PLXNA4: variants seen among roughly 807,000 people sequenced by gnomAD.
PLXNA4 encodes the protein plexin A4, also known as plexin-A4.
In PLXNA4, 44 loss-of-function variants were observed where a neutral mutation model predicts 191.8. The ratio of observed to expected loss-of-function variants is 0.23; its 90% CI spans 0.18 to 0.29. The LOEUF (loss-of-function observed/expected upper bound fraction) is 0.29. Ranked by LOEUF, PLXNA4 falls within the 10% of genes least tolerant of loss-of-function variation. The pLI is 1.00. For missense variants in PLXNA4, 1,800 were observed against 2,488.8 expected (o/e 0.72, Z 5.89); for synonymous variants, 1,082 against 1,009.5 (o/e 1.07, Z -1.36).
chr7:132,556,461 C>T (rs1010101138), intron 1 of PLXNA4, among the ~76,000 whole-genome samples: 1 of 152,234 alleles, frequency 6.6e-6, no homozygotes, highest in African/African-American at 2.4e-5. Flanking sequence ...CTGCAACTTG[C>T]TTTTGTAGGA....
intron 2 of PLXNA4, among the ~76,000 whole-genome samples, chr7:132,630,971 C>G (rs1195747667): frequency 6.6e-6 from 1 of 152,196 alleles, no homozygotes; most frequent in Non-Finnish European, 1.5e-5. Context: ...CAACTTCTTC[C>G]CATGACACAC....
chr7:132,508,756 G>T lies in PLXNA4; in HGVS notation c.-63C>A. On this transcript the variant is annotated 5_prime_UTR_variant, in exon 2 of 32. Coordinates refer to ENST00000321063, the MANE Select transcript of PLXNA4 (RefSeq NM_020911.2). This position sits in a 1 kb window ranked among gnomAD's most constrained non-coding sequence, Gnocchi z 4.4. ...CACAGTCGTCCCCTCAGAGGGCCAG[G>T]ACTCAGCAATGCAGTCTCCCCTACT... is the stretch of plus-strand genomic sequence containing the variant. The T allele has an allele frequency of 6.9e-7, 1 of 1,447,080 alleles. No individual in the cohort carries two copies. Among genetic ancestry groups the T allele is most frequent in the South Asian group, 1.5e-5 (1 of 68,448 alleles). The allele number at this position is 1,447,080 out of a possible 1,614,324, so 89.6% of individuals were successfully genotyped here.
chr7:132,623,053 A>G (rs2116869214), intron 2 of PLXNA4, among the ~76,000 whole-genome samples: 1 of 152,146 alleles, frequency 6.6e-6, no homozygotes, highest in East Asian at 1.9e-4. Context: ...TGGGTATAAG[A>G]ACTAAAATTG....
intron 3 of PLXNA4, among the ~76,000 whole-genome samples, chr7:132,329,667 G>A (rs1417805381): frequency 6.6e-6 from 1 of 152,096 alleles, no homozygotes; most frequent in Non-Finnish European, 1.5e-5. Flanking sequence ...CAAGTCCTTT[G>A]CACCAGCCAT....
rs542055364 is a variant in PLXNA4 at position 132,125,511 on chromosome 7, C to T, written c.*4968G>A. 1 of 152,132 alleles carries T rather than the reference C, an allele frequency of 6.6e-6. No homozygotes were observed. The highest frequency in any genetic ancestry group is 1.5e-5 in the Non-Finnish European group (1 of 67,988). 9.4% of individuals were successfully genotyped at this position (152,132 alleles called of 1,614,324 possible). ...CACTAACCGAGTAATTTGGACTTAA[C>T]ATCCATAGCAGGGCTCCCTTCTTAC... is the stretch of plus-strand genomic sequence containing the variant. On this transcript the variant is annotated 3_prime_UTR_variant, in exon 32 of 32. Transcript: ENST00000321063.
intron 4 of PLXNA4, among the ~76,000 whole-genome samples, chr7:132,286,630 G>C (rs1432617184): frequency 6.6e-6 from 1 of 152,164 alleles, no homozygotes; most frequent in African/African-American, 2.4e-5. Flanking sequence ...CTGGGGCAGA[G>C]AGAAGGAAAA....
chr7:132,230,503 G>A (rs1455926244), intron 5 of PLXNA4, among the ~76,000 whole-genome samples: 1 of 152,180 alleles, frequency 6.6e-6, no homozygotes, highest in Non-Finnish European at 1.5e-5. Flanking sequence ...CCCCCTCCCA[G>A]GAGTGAAGGA....
At chr7:132,308,249 C>T (rs1176371462) in intron 3 of PLXNA4, among the ~76,000 whole-genome samples, 1 of 152,180 alleles carries the variant, frequency 6.6e-6, no homozygotes, top group Non-Finnish European at 1.5e-5. Flanking sequence ...CAGAGACTCA[C>T]CAGAGAGCAC....
At chr7:132,259,482 G>GAAAA (rs1414792493) in intron 4 of PLXNA4, among the ~76,000 whole-genome samples, 1 of 111,402 alleles carries the variant, frequency 9.0e-6, no homozygotes, top group Non-Finnish European at 1.8e-5. Context: ...AAGAAAAAAG[G>GAAAA]AAAAAAGAAA....
chr7:132,201,209 C>T (rs1450796961), intron 12 of PLXNA4, among the ~76,000 whole-genome samples: 1 of 152,092 alleles, frequency 6.6e-6, no homozygotes, highest in South Asian at 2.1e-4. Flanking sequence ...CCCTCACAGC[C>T]CTCAGGAGGA....
intron 2 of PLXNA4, among the ~76,000 whole-genome samples, chr7:132,644,186 A>AT (rs1347055047): frequency 6.6e-6 from 1 of 152,098 alleles, no homozygotes; most frequent in East Asian, 1.9e-4. Context: ...CACATCTATG[A>AT]TTTTGTCTCC....
At chr7:132,455,277 G>A (rs551212772) in intron 3 of PLXNA4, among the ~76,000 whole-genome samples, 6 of 152,282 alleles carry the variant, frequency 3.9e-5, no homozygotes, top group East Asian at 1.9e-4. Flanking sequence ...GACAAAACAC[G>A]TATTTGCAGA....
intron 13 of PLXNA4, among the ~76,000 whole-genome samples, chr7:132,198,188 AT>A (rs1797311736): frequency 6.6e-6 from 1 of 152,054 alleles, no homozygotes; most frequent in Non-Finnish European, 1.5e-5. Flanking sequence ...TCTCTTGCAG[AT>A]TTTCATTTTG....
chr7:132,168,908 C>T (rs1317664593), intron 21 of PLXNA4, among the ~76,000 whole-genome samples: 2 of 152,190 alleles, frequency 1.3e-5, no homozygotes, highest in Non-Finnish European at 2.9e-5. Context: ...TGGCAGAGCA[C>T]CTCACAGTCC....
chr7:132,418,912 AT>A (rs1363681970), intron 3 of PLXNA4, among the ~76,000 whole-genome samples: 1 of 152,146 alleles, frequency 6.6e-6, no homozygotes, highest in Non-Finnish European at 1.5e-5. Context: ...ATTTGTTCCC[AT>A]CGATCACTAT....
chr7:132,354,186 CGTGTGTGT>C (rs59554805), intron 3 of PLXNA4, among the ~76,000 whole-genome samples: 2 of 132,568 alleles, frequency 1.5e-5, no homozygotes, highest in Admixed American at 1.6e-4. Context: ...ACAGTGTGTG[CGTGTGTGT>C]GTGTGTGTGT....
At chr7:132,232,938 C>T (rs138211928) in intron 5 of PLXNA4, among the ~76,000 whole-genome samples, 2,005 of 152,288 alleles carry the variant, frequency 0.013, 23 homozygotes, top group Non-Finnish European at 0.018. Flanking sequence ...GTTGCTGATC[C>T]ATCTCCCTGG....
intron 10 of PLXNA4, among the ~76,000 whole-genome samples, chr7:132,205,505 T>C (rs1797586858): frequency 6.6e-6 from 1 of 151,608 alleles, no homozygotes; most frequent in African/African-American, 2.4e-5. Flanking sequence ...GTTTGTGTGT[T>C]TGTGTGTGTG....
At chr7:132,434,858 C>T (rs918477589) in intron 3 of PLXNA4, among the ~76,000 whole-genome samples, 1 of 152,100 alleles carries the variant, frequency 6.6e-6, no homozygotes, top group East Asian at 1.9e-4. Context: ...AAACACTAGC[C>T]TTGCCAGGGA....
Sources: gnomAD v4.1 joint callset for allele counts (sites outside exome capture counted in the v4.1 genomes callset) on GRCh38, gnomAD v4.1.1 for gene constraint, Gnocchi (gnomAD v3.1) non-coding constraint, MANE v1.5 for transcripts, NCBI Gene and HGNC (gene_info 2026-07-23, HGNC 2026-07-21) for gene names.